Variants in PLCG2 observed in about 807,000 individuals in gnomAD.
PLCG2 encodes phospholipase C gamma 2.
PLCG2 carries 69 observed loss-of-function variants against 175.6 expected under a neutral mutation model. The observed-to-expected ratio is 0.39, with a 90% CI of 0.32 to 0.48. The LOEUF (loss-of-function observed/expected upper bound fraction) is 0.48. Among genes scored for constraint, PLCG2 ranks in the 20% least tolerant of loss-of-function variants. The pLI is 0.91. For missense variants in PLCG2, 1,798 were observed against 1,650.9 expected (o/e 1.09, Z -1.54); for synonymous variants, 827 against 624.0 (o/e 1.33, Z -4.85).
chr16:81,882,953 C>T (rs1399119628), intron 8 of PLCG2, among the ~76,000 whole-genome samples: 1 of 151,992 alleles, frequency 6.6e-6, no homozygotes, highest in Admixed American at 6.5e-5. Flanking sequence ...GCCTGGTTCA[C>T]CTGTCTTCCC....
intron 2 of PLCG2, chr16:81,766,681 G>T (rs1910158280): frequency 6.6e-6 from 1 of 152,258 alleles, no homozygotes; most frequent in African/African-American, 2.4e-5. Context: ...AGAGCCATCG[G>T]TATTTTGTCT....
chr16:81,812,031 G>C (rs1490680454), intron 2 of PLCG2, among the ~76,000 whole-genome samples: 2 of 137,180 alleles, frequency 1.5e-5, no homozygotes, highest in Non-Finnish European at 3.1e-5. Context: ...TCCAGCATCT[G>C]TTGTTTCCTG....
At chr16:81,877,814 TG>T (rs1430363165) in intron 7 of PLCG2, among the ~76,000 whole-genome samples, 3 of 150,670 alleles carry the variant, frequency 2.0e-5, no homozygotes, top group Non-Finnish European at 4.4e-5. Flanking sequence ...CATCGCTCCT[TG>T]GCTTGTAGAT....
chr16:81,872,380 T>C (rs1375341812), intron 7 of PLCG2, among the ~76,000 whole-genome samples: 1 of 152,162 alleles, frequency 6.6e-6, no homozygotes. Context: ...CTCCTTTTTA[T>C]GAGCAAGGGG....
chr16:81,785,172 TG>T (rs1432494659), intron 1 of PLCG2, among the ~76,000 whole-genome samples: 2 of 152,162 alleles, frequency 1.3e-5, no homozygotes, highest in African/African-American at 4.8e-5. Flanking sequence ...TCCAAGGTTT[TG>T]GGCCCAAGCA....
At chr16:81,841,156 A>C (rs1463796653) in intron 2 of PLCG2, among the ~76,000 whole-genome samples, 1 of 152,142 alleles carries the variant, frequency 6.6e-6, no homozygotes, top group Admixed American at 6.5e-5. Flanking sequence ...CTTTTTAACA[A>C]AGAAGATAAG....
intron 2 of PLCG2, among the ~76,000 whole-genome samples, chr16:81,822,087 C>CT (rs1028949136): frequency 1.9e-4 from 29 of 152,176 alleles, no homozygotes; most frequent in African/African-American, 6.0e-4. Flanking sequence ...TAGGGAGTGT[C>CT]TTTTTTTTCT....
chr16:81,930,725 G>A (rs1910463222), intron 24 of PLCG2, among the ~76,000 whole-genome samples: 2 of 139,960 alleles, frequency 1.4e-5, no homozygotes, highest in Non-Finnish European at 3.0e-5. Flanking sequence ...TTCAGCCTGG[G>A]TGACAGAGTG....
chr16:81,909,590 A>C (rs1028582033), intron 17 of PLCG2, among the ~76,000 whole-genome samples: 10 of 152,074 alleles, frequency 6.6e-5, no homozygotes, highest in African/African-American at 2.4e-4. Flanking sequence ...ATAACTTTTA[A>C]ATTTTTTGTA....
At position 81,931,566 on chromosome 16, in the gene PLCG2, C is replaced by T; in HGVS notation, c.2651C>T (p.Pro884Leu). The change falls in exon 25 of 33, where the codon CCT becomes CTT. Residue 884 changes from proline to leucine, a missense_variant. Transcript: ENST00000564138. Reference sequence around the variant, plus strand: ...CTGGAGCCCAAGCAGCAGGGCGATCCTCCGGTGGAGTTTGCCACAGACAGG... The same window carrying T: ...CTGGAGCCCAAGCAGCAGGGCGATCTTCCGGTGGAGTTTGCCACAGACAGG... ...FILEPKQQGD[P>L]PVEFATDRVE... 1 of 1,614,044 alleles carries T rather than the reference C, an allele frequency of 6.2e-7. No individual in the cohort carries two copies. Among genetic ancestry groups the T allele is most frequent in the Non-Finnish European group, 8.5e-7 (1 of 1,179,952 alleles).
chr16:81,793,637 G>A (rs1911337290), intron 2 of PLCG2, among the ~76,000 whole-genome samples: 1 of 152,218 alleles, frequency 6.6e-6, no homozygotes, highest in Non-Finnish European at 1.5e-5. Flanking sequence ...TGAGCTGTCT[G>A]TTTCCTTGGT....
At chr16:81,797,778 CTG>C (rs2143229508) in intron 2 of PLCG2, among the ~76,000 whole-genome samples, 1 of 152,248 alleles carries the variant, frequency 6.6e-6, no homozygotes, top group South Asian at 2.1e-4. Context: ...CACTTAGTGA[CTG>C]TGTGACCTTA....
At chr16:81,780,299 C>G (rs1417135763) in intron 1 of PLCG2, among the ~76,000 whole-genome samples, 1 of 152,190 alleles carries the variant, frequency 6.6e-6, no homozygotes, top group Non-Finnish European at 1.5e-5. Flanking sequence ...ACTGGAGCCA[C>G]CCAATTTTCC....
intron 2 of PLCG2, 120 bp downstream of exon 2, chr16:81,786,302 C>T (rs1597317677): frequency 6.1e-6 from 5 of 821,626 alleles, no homozygotes; most frequent in East Asian, 5.5e-5. Flanking sequence ...TTCTTTTATT[C>T]GTCTTAAAAT....
intron 2 of PLCG2, among the ~76,000 whole-genome samples, chr16:81,812,867 G>C (rs967999561): frequency 1.3e-5 from 2 of 152,106 alleles, no homozygotes; most frequent in Non-Finnish European, 2.9e-5. Flanking sequence ...TGTAAGGAAG[G>C]GGTCCAGTTT....
intron 10 of PLCG2, among the ~76,000 whole-genome samples, chr16:81,890,878 T>G (rs1449960856): frequency 1.3e-5 from 2 of 152,140 alleles, no homozygotes; most frequent in Non-Finnish European, 2.9e-5. Flanking sequence ...ATTGTATATA[T>G]GAGGCCGGGT....
At chr16:81,743,737 G>A (rs1485660894) in intron 1 of PLCG2, among the ~76,000 whole-genome samples, 1 of 152,238 alleles carries the variant, frequency 6.6e-6, no homozygotes, top group African/African-American at 2.4e-5. Context: ...CCCATCCCAA[G>A]GGAGGGAGAG....
At chr16:81,775,786 T>C (rs1910385961), upstream of PLCG2, among the ~76,000 whole-genome samples, 1 of 152,152 alleles carries the variant, frequency 6.6e-6, no homozygotes, top group South Asian at 2.1e-4. Flanking sequence ...TTTTCTTTCT[T>C]TTGTAGGAAA....
intron 31 of PLCG2, among the ~76,000 whole-genome samples, chr16:81,948,352 A>G (rs1222579016): frequency 6.6e-6 from 1 of 152,186 alleles, no homozygotes; most frequent in Non-Finnish European, 1.5e-5. Context: ...AAGCTTAAAT[A>G]GTCATCATCT....
Sources: allele counts gnomAD v4.1 joint callset (sites outside exome capture counted in the v4.1 genomes callset), GRCh38; gene constraint gnomAD v4.1.1; transcripts MANE v1.5; gene names NCBI Gene and HGNC (gene_info 2026-07-23, HGNC 2026-07-21).